Variants in CELF2 observed in about 807,000 individuals in gnomAD.
CELF2 encodes the protein CUGBP Elav-like family member 2.
A neutral mutation model predicts 62.6 loss-of-function variants in CELF2; 8 were observed. The observed-to-expected ratio is 0.13, with a 90% confidence interval of 0.07 to 0.23. The LOEUF (loss-of-function observed/expected upper bound fraction) is 0.23. CELF2 is among the 10% of genes least tolerant of loss of function. CELF2 has a pLI of 1.00. For synonymous variants in CELF2, 258 were observed against 250.0 expected (o/e 1.03, Z -0.30); for missense variants, 333 against 671.0 (o/e 0.50, Z 5.56).
chr10:10,934,268 A>G lies in CELF2; in HGVS notation c.89+14269A>G, dbSNP rs954483688. On this transcript the variant is annotated intron_variant, in intron 2 of 13. Transcript: ENST00000636488. The surrounding 1 kb of genome is among the most constrained non-coding windows in gnomAD (Gnocchi z 4.4). ...GGTTAATCTGATGGTAATCTGTAAC[A>G]TCTATCATGGTGGGAAGAGCCAGCA... is the stretch of plus-strand genomic sequence containing the variant. Among the ~76,000 whole-genome samples, 15 of 152,246 alleles carry G rather than the reference A, an allele frequency of 9.9e-5. No individual in the cohort carries two copies. Among genetic ancestry groups the G allele is most frequent in the African/African-American group, 3.4e-4 (14 of 41,464 alleles).
intron 1 of CELF2, among the ~76,000 whole-genome samples, chr10:11,019,119 G>A (rs905446616): frequency 1.3e-5 from 2 of 152,154 alleles, no homozygotes; most frequent in Admixed American, 6.5e-5. Context: ...ATTTTTAGCT[G>A]GCTTGATAGG....
chr10:11,329,071 C>A lies in CELF2; in HGVS notation c.*18C>A. On this transcript the variant is annotated 3_prime_UTR_variant, in exon 13 of 13. Coordinates refer to ENST00000633077, the MANE Select transcript of CELF2 (RefSeq NM_001326342.2). This position sits in a 1 kb window ranked among gnomAD's most constrained non-coding sequence, Gnocchi z 5.5. ...CTTACTGATCCTAACCCCAGAGGCT[C>A]CCTGCTCTCATTTTAGCTTTCTTAG... 6.2e-7 allele frequency: 1 copy of A among 1,600,662 alleles called. No homozygotes were observed. Among genetic ancestry groups the A allele is most frequent in the East Asian group, 2.3e-5 (1 of 44,366 alleles).
chr10:10,787,475 C>T, the CELF2 span, among the ~76,000 whole-genome samples: 16 of 152,236 alleles, frequency 1.1e-4, no homozygotes, highest in African/African-American at 3.1e-4. Context: ...TTTTTCTCTC[C>T]GGTTTCCCAA....
chr10:10,804,720 G>A (rs926140852), intron 1 of CELF2, among the ~76,000 whole-genome samples: 16 of 152,166 alleles, frequency 1.1e-4, no homozygotes, highest in Admixed American at 4.6e-4. Context: ...AACAGCACAC[G>A]TTGATGGGAA....
chr10:11,155,801 AGT>A (rs1341527041), intron 1 of CELF2, among the ~76,000 whole-genome samples: 1 of 152,178 alleles, frequency 6.6e-6, no homozygotes, highest in African/African-American at 2.4e-5. Context: ...CTTAATCTCA[AGT>A]GCGTTCACAT....
chr10:10,902,154 C>T (rs1275509018), intron 1 of CELF2, among the ~76,000 whole-genome samples: 1 of 152,160 alleles, frequency 6.6e-6, no homozygotes, highest in East Asian at 1.9e-4. Flanking sequence ...CACTATCTCA[C>T]CTTTGCTTTA....
chr10:11,002,452 A>T (rs1038835683), upstream of CELF2, among the ~76,000 whole-genome samples: 3 of 152,194 alleles, frequency 2.0e-5, no homozygotes, highest in Non-Finnish European at 4.4e-5. The surrounding 1 kb of genome is among the most constrained non-coding windows in gnomAD (Gnocchi z 4.4). Context: ...AGCACTCCTT[A>T]AAAACTATGC....
the CELF2 span, among the ~76,000 whole-genome samples, chr10:10,633,272 C>T: frequency 1.3e-5 from 2 of 152,188 alleles, no homozygotes; most frequent in African/African-American, 2.4e-5. Context: ...ATTGTCCCCA[C>T]AAAGATTTCA....
the CELF2 span, among the ~76,000 whole-genome samples, chr10:10,576,267 C>T: frequency 0.52 from 78,840 of 151,944 alleles, 21,113 homozygotes; most frequent in African/African-American, 0.62. Flanking sequence ...TCCTACCCAT[C>T]ACCCCTGTCT....
At chr10:10,916,426 C>T (rs1008454672) in intron 1 of CELF2, among the ~76,000 whole-genome samples, 1 of 152,150 alleles carries the variant, frequency 6.6e-6, no homozygotes, top group African/African-American at 2.4e-5. Flanking sequence ...AGCACATGAG[C>T]GTGTAAAGCA....
the CELF2 span, among the ~76,000 whole-genome samples, chr10:10,492,029 C>T: frequency 1.3e-5 from 2 of 152,088 alleles, no homozygotes; most frequent in Non-Finnish European, 2.9e-5. Flanking sequence ...TGTGCTATTC[C>T]ATTCTCCATC....
intron 9 of CELF2, among the ~76,000 whole-genome samples, chr10:11,289,209 G>T (rs549475018): frequency 6.6e-6 from 1 of 151,996 alleles, no homozygotes; most frequent in South Asian, 2.1e-4. Context: ...AAAGTCGAAC[G>T]TTTCACTGGC....
chr10:10,531,532 A>G, the CELF2 span, among the ~76,000 whole-genome samples: 1 of 152,096 alleles, frequency 6.6e-6, no homozygotes, highest in Non-Finnish European at 1.5e-5. Context: ...TTCACATCCT[A>G]TTCTGAATCA....
chr10:11,064,853 C>T (rs1318570236), intron 1 of CELF2, among the ~76,000 whole-genome samples: 2 of 152,164 alleles, frequency 1.3e-5, no homozygotes, highest in African/African-American at 4.8e-5. Context: ...TGGCATAGTA[C>T]AAACCCTCCG....
chr10:10,613,837 G>A, the CELF2 span, among the ~76,000 whole-genome samples: 34 of 152,120 alleles, frequency 2.2e-4, no homozygotes, highest in African/African-American at 7.5e-4. Flanking sequence ...AAATAGAAAC[G>A]ATTCTTTGGA....
chr10:11,091,734 A>G (rs912009240), intron 1 of CELF2, among the ~76,000 whole-genome samples: 1 of 152,218 alleles, frequency 6.6e-6, no homozygotes, highest in African/African-American at 2.4e-5. Flanking sequence ...AACCCACAGA[A>G]AAATGGGGAA....
At chr10:11,232,021 T>C (rs2136417944) in intron 3 of CELF2, among the ~76,000 whole-genome samples, 1 of 152,344 alleles carries the variant, frequency 6.6e-6, no homozygotes, top group South Asian at 2.1e-4. Context: ...CTTTAAGTTT[T>C]AGGGTACATG....
intron 2 of CELF2, chr10:10,920,076 T>C: frequency 9.7e-7 from 1 of 1,030,676 alleles, no homozygotes; most frequent in Non-Finnish European, 1.2e-6. Context: ...ATGTCTTCTG[T>C]AAGAGGTCTT....
intron 1 of CELF2, among the ~76,000 whole-genome samples, chr10:10,820,496 T>G (rs745683771): frequency 6.6e-5 from 10 of 152,204 alleles, no homozygotes; most frequent in Non-Finnish European, 1.3e-4. Context: ...AGGAGGAGAA[T>G]TCATTGGTGA....
Sources: allele counts gnomAD v4.1 joint callset (sites outside exome capture counted in the v4.1 genomes callset), GRCh38; gene constraint gnomAD v4.1.1; non-coding constraint Gnocchi (gnomAD v3.1); transcripts MANE v1.5; gene names NCBI Gene and HGNC (gene_info 2026-07-23, HGNC 2026-07-21).